The following COL4A2 variants were observed in gnomAD, a reference collection of about 807,000 sequenced individuals.
COL4A2 encodes the protein collagen type IV alpha 2 chain, also known as collagen alpha-2(IV) chain.
In COL4A2, 99 loss-of-function variants were observed where a neutral mutation model predicts 200.2. The observed-to-expected ratio is 0.49, with a 90% CI of 0.42 to 0.58. COL4A2 has a LOEUF of 0.58. COL4A2 is among the 20% of genes least tolerant of loss of function. The pLI, the probability that COL4A2 is intolerant of heterozygous loss-of-function variation, is 0.00. For missense variants in COL4A2, 1,950 were observed against 2,314.1 expected (o/e 0.84, Z 3.23); for synonymous variants, 897 against 900.6 (o/e 1.00, Z 0.07).
intron 3 of COL4A2, among the ~76,000 whole-genome samples, chr13:110,310,302 C>T (rs1489487103): frequency 3.3e-5 from 5 of 152,228 alleles, no homozygotes; most frequent in Admixed American, 6.5e-5. Flanking sequence ...AGTCAGGCCC[C>T]ATCTCAGACC....
At chr13:110,393,970 C>A (rs1879091419) in intron 4 of COL4A2, among the ~76,000 whole-genome samples, 1 of 152,160 alleles carries the variant, frequency 6.6e-6, no homozygotes, top group Non-Finnish European at 1.5e-5. Context: ...TAAAAACCTT[C>A]CAGCAGAATG....
At chr13:110,347,317 A>T (rs4773163) in intron 3 of COL4A2, among the ~76,000 whole-genome samples, 144,525 of 152,270 alleles carry the variant, frequency 0.95, 69,037 homozygotes, top group East Asian at 1. Context: ...CAGGCATTGG[A>T]GACCCTTTAG....
At chr13:110,430,672 T>C in intron 10 of COL4A2, 65 bp downstream of exon 10, 4 of 1,601,312 alleles carry the variant, frequency 2.5e-6, no homozygotes, top group Non-Finnish European at 3.4e-6. Context: ...CAGATGCCAC[T>C]TCTTCAATGG....
At chr13:110,323,249 C>T (rs1885321570) in intron 3 of COL4A2, among the ~76,000 whole-genome samples, 1 of 152,180 alleles carries the variant, frequency 6.6e-6, no homozygotes, top group Non-Finnish European at 1.5e-5. Context: ...TATGACTGGA[C>T]ATCAGAGGCC....
At chr13:110,475,386 C>T (rs1485364226) in intron 29 of COL4A2, among the ~76,000 whole-genome samples, 5 of 152,328 alleles carry the variant, frequency 3.3e-5, no homozygotes, top group South Asian at 4.2e-4. Context: ...TGTCCACCAT[C>T]GACCTGTTCT....
intron 31 of COL4A2, among the ~76,000 whole-genome samples, chr13:110,480,993 T>G (rs1882885680): frequency 8.1e-6 from 1 of 124,132 alleles, no homozygotes. Context: ...TGTCCTTCCA[T>G]TGCTGGAGAC....
chr13:110,453,904 A>G (rs1218691289), intron 20 of COL4A2, among the ~76,000 whole-genome samples: 1 of 152,230 alleles, frequency 6.6e-6, no homozygotes, highest in African/African-American at 2.4e-5. Flanking sequence ...GTTGTAGTTT[A>G]GTAGGAATGA....
chr13:110,316,702 T>G (rs1028641835), intron 3 of COL4A2, among the ~76,000 whole-genome samples: 3 of 152,080 alleles, frequency 2.0e-5, no homozygotes, highest in Non-Finnish European at 2.9e-5. Context: ...CCACGGATGG[T>G]TCACAGATGG....
At chr13:110,418,266 GA>G (rs768949132) in intron 4 of COL4A2, among the ~76,000 whole-genome samples, 7 of 152,158 alleles carry the variant, frequency 4.6e-5, no homozygotes, top group Non-Finnish European at 1.0e-4. Context: ...ATATGTTCCG[GA>G]AGAAGTTGTT....
At chr13:110,328,197 C>T (rs573327520) in intron 3 of COL4A2, among the ~76,000 whole-genome samples, 2 of 152,300 alleles carry the variant, frequency 1.3e-5, no homozygotes, top group Admixed American at 1.3e-4. Flanking sequence ...AAAAATCAAA[C>T]GTTCTTGATA....
chr13:110,415,274 G>A (rs1393482250), intron 4 of COL4A2, among the ~76,000 whole-genome samples: 1 of 152,148 alleles, frequency 6.6e-6, no homozygotes, highest in Non-Finnish European at 1.5e-5. Context: ...GAATTTTATT[G>A]TATGTAAATT....
chr13:110,352,027 T>C (rs1054583636), intron 3 of COL4A2, among the ~76,000 whole-genome samples: 1 of 152,156 alleles, frequency 6.6e-6, no homozygotes, highest in Non-Finnish European at 1.5e-5. Flanking sequence ...TGGAGCATCC[T>C]GAAAGTCATA....
chr13:110,437,073 C>T (rs549462944), intron 13 of COL4A2, among the ~76,000 whole-genome samples: 20 of 152,324 alleles, frequency 1.3e-4, no homozygotes, highest in South Asian at 1.0e-3. Flanking sequence ...AAACCCCAAA[C>T]GGGGAGATCT....
At chr13:110,371,168 TCAC>T (rs533136982) in intron 4 of COL4A2, among the ~76,000 whole-genome samples, 125 of 152,338 alleles carry the variant, frequency 8.2e-4, no homozygotes, top group African/African-American at 2.9e-3. Flanking sequence ...CAAGGGTTCT[TCAC>T]CAGCACTCTG....
chr13:110,457,419 A>G lies in COL4A2; in HGVS notation c.1416A>G (p.Gly472=). Residue 472 remains glycine (G), a synonymous_variant, in exon 21 of 48, where the codon GGA becomes GGG. Transcript: ENST00000360467. ...PGLPGSPGAR[G]PKGWKGDAGE... is the part of the protein sequence containing the mutation. ...TTCCCGGCTCCCCTGGAGCCCGCGG[A>G]CCAAAGGGGTGGAAAGGTAAGAACA... The G allele has an allele frequency of 1.2e-6, 2 of 1,606,922 alleles. No homozygotes were observed. Among genetic ancestry groups the G allele is most frequent in the South Asian group, 1.1e-5 (1 of 90,920 alleles).
At chr13:110,480,757 C>CCAAAG (rs959991797) in intron 31 of COL4A2, among the ~76,000 whole-genome samples, 9 of 152,370 alleles carry the variant, frequency 5.9e-5, no homozygotes, top group Non-Finnish European at 7.3e-5. Context: ...GAATTTGAAA[C>CCAAAG]CAAAGCAAAG....
chr13:110,419,355 A>C (rs1443244940), intron 4 of COL4A2, among the ~76,000 whole-genome samples: 1 of 152,228 alleles, frequency 6.6e-6, no homozygotes, highest in African/African-American at 2.4e-5. Flanking sequence ...TATCCTGGGC[A>C]ACACTGTTTT....
intron 39 of COL4A2, 125 bp from the exon 40 acceptor site, chr13:110,495,217 C>G: frequency 1.7e-6 from 2 of 1,144,194 alleles, no homozygotes; most frequent in Admixed American, 3.5e-5. Context: ...GCAATGCAAG[C>G]TGAAATCACC....
intron 3 of COL4A2, among the ~76,000 whole-genome samples, chr13:110,327,075 A>C (rs1382935082): frequency 6.6e-6 from 1 of 151,548 alleles, no homozygotes; most frequent in Non-Finnish European, 1.5e-5. Context: ...CTCCCACCCC[A>C]GCCCTGTGGT....
Sources: gnomAD v4.1 joint callset for allele counts (sites outside exome capture counted in the v4.1 genomes callset) on GRCh38, gnomAD v4.1.1 for gene constraint, MANE v1.5 for transcripts, NCBI Gene and HGNC (gene_info 2026-07-23, HGNC 2026-07-21) for gene names.